Variants in GYS2 observed in about 807,000 individuals in gnomAD.
GYS2 encodes glycogen [starch] synthase, liver.
GYS2 carries 80 observed loss-of-function variants against 85.6 expected under a neutral mutation model. The ratio of observed to expected loss-of-function variants is 0.93; its 90% CI spans 0.78 to 1.13. GYS2 has a LOEUF of 1.13. Ranked by LOEUF, GYS2 falls within the 50% of genes most tolerant of loss-of-function variation. The pLI, the probability that GYS2 is intolerant of heterozygous loss-of-function variation, is 0.00. For synonymous variants in GYS2, 328 were observed against 300.7 expected, an observed-to-expected ratio of 1.09 and a Z score of -0.94; for missense variants, 881 against 854.9, an observed-to-expected ratio of 1.03 and a Z score of -0.38.
chr12:21,564,979 C>G (rs1420451771), intron 5 of GYS2, among the ~76,000 whole-genome samples: 6 of 151,956 alleles, frequency 3.9e-5, no homozygotes, highest in Non-Finnish European at 7.4e-5. Context: ...TACAACTGTA[C>G]CATACAAAAG....
chr12:21,540,335 A>T, intron 14 of GYS2, 75 bp downstream of exon 14: 1 of 1,171,056 alleles, frequency 8.5e-7, no homozygotes, highest in Non-Finnish European at 1.3e-6. Flanking sequence ...TTTAGAGATT[A>T]TGACTAGAAT....
At chr12:21,589,191 A>G (rs892037715) in intron 1 of GYS2, among the ~76,000 whole-genome samples, 1 of 152,224 alleles carries the variant, frequency 6.6e-6, no homozygotes, top group African/African-American at 2.4e-5. Flanking sequence ...TCAAATTCAT[A>G]TACACTTTGG....
chr12:21,559,965 C>T (rs569276634), intron 8 of GYS2, among the ~76,000 whole-genome samples: 44 of 152,202 alleles, frequency 2.9e-4, no homozygotes, highest in African/African-American at 1.1e-3. Flanking sequence ...ATGATTGGAA[C>T]AGGATAGAGA....
chr12:21,602,580 T>C (rs1944766751), intron 1 of GYS2, among the ~76,000 whole-genome samples: 1 of 152,098 alleles, frequency 6.6e-6, no homozygotes, highest in Non-Finnish European at 1.5e-5. Context: ...TGATATCAAC[T>C]TGTGTAAATC....
chr12:21,579,077 C>T (rs1944478315), intron 2 of GYS2, among the ~76,000 whole-genome samples: 1 of 152,088 alleles, frequency 6.6e-6, no homozygotes, highest in Non-Finnish European at 1.5e-5. Flanking sequence ...TCCATGTTAC[C>T]AATGGCCCAA....
chr12:21,574,348 A>T (rs1203677528), intron 3 of GYS2, 22 bp from the exon 4 acceptor site: 2 of 1,596,478 alleles, frequency 1.3e-6, no homozygotes, highest in African/African-American at 1.3e-5. Context: ...AAAAAAAAGC[A>T]TTCAGAAAAG....
At chr12:21,546,695 G>A (rs1035758885) in intron 11 of GYS2, among the ~76,000 whole-genome samples, 3 of 152,128 alleles carry the variant, frequency 2.0e-5, no homozygotes, top group Non-Finnish European at 4.4e-5. Context: ...CTTTCCCTCA[G>A]GTTCCAAGGC....
chr12:21,587,424 A>G (rs933079383), intron 1 of GYS2, among the ~76,000 whole-genome samples: 3 of 152,136 alleles, frequency 2.0e-5, no homozygotes, highest in African/African-American at 7.2e-5. Flanking sequence ...AGGTAATTGA[A>G]TCATAGAGGA....
chr12:21,571,157 C>A (rs1330027423), intron 4 of GYS2, among the ~76,000 whole-genome samples: 1 of 152,134 alleles, frequency 6.6e-6, no homozygotes, highest in East Asian at 1.9e-4. Context: ...CTGGAGACCC[C>A]GTGAGAGGCC....
At chr12:21,542,436 G>T (rs940882570) in intron 13 of GYS2, 60 bp downstream of exon 13, 11 of 973,534 alleles carry the variant, frequency 1.1e-5, no homozygotes, top group Non-Finnish European at 1.8e-5. Flanking sequence ...TAAAGACCCT[G>T]TGCTTTGTTT....
chr12:21,547,701 T>A (rs1380850102), intron 11 of GYS2, among the ~76,000 whole-genome samples: 1 of 152,134 alleles, frequency 6.6e-6, no homozygotes, highest in Non-Finnish European at 1.5e-5. Context: ...ATGAATACAT[T>A]TGTCAAAACC....
At chr12:21,592,049 C>T (rs1944645212) in intron 1 of GYS2, among the ~76,000 whole-genome samples, 1 of 151,556 alleles carries the variant, frequency 6.6e-6, no homozygotes, top group Admixed American at 6.6e-5. Context: ...CAAAGGTATA[C>T]AACTAACTGG....
chr12:21,581,082 C>G (rs1053899772), intron 1 of GYS2, among the ~76,000 whole-genome samples: 1 of 152,118 alleles, frequency 6.6e-6, no homozygotes, highest in African/African-American at 2.4e-5. Context: ...GGAGAACGTG[C>G]TTATAGATGT....
At chr12:21,596,908 G>C (rs766660775) in intron 1 of GYS2, among the ~76,000 whole-genome samples, 3 of 152,092 alleles carry the variant, frequency 2.0e-5, no homozygotes, top group Non-Finnish European at 4.4e-5. Flanking sequence ...AAAGTTTCCA[G>C]ATACAAGATG....
At chr12:21,555,042 T>G (rs1029186884) in intron 11 of GYS2, among the ~76,000 whole-genome samples, 3 of 152,150 alleles carry the variant, frequency 2.0e-5, no homozygotes, top group Non-Finnish European at 4.4e-5. Context: ...GTACGTAACA[T>G]GTGCCAGGCA....
chr12:21,604,742 C>A lies in GYS2; in HGVS notation c.-150G>T. 2.0e-6 allele frequency: 3 copies of A among 1,463,840 alleles called. No homozygotes were observed. Among genetic ancestry groups the A allele is most frequent in the South Asian group, 1.3e-5 (1 of 75,546 alleles). The allele number at this position is 1,463,840 out of a possible 1,614,324, so 90.7% of individuals were successfully genotyped here. A position where few individuals can be genotyped will look rare whatever the true frequency, so the allele number is the denominator to read the frequency against. On this transcript the variant is annotated 5_prime_UTR_variant, in exon 1 of 16. Transcript: ENST00000261195. Reference sequence around the variant, plus strand: ...TGGGAATAAACTAGTAGCATGAAATCTTATGTGCTTCCCACAGAATTCCTG... The same window carrying A: ...TGGGAATAAACTAGTAGCATGAAATATTATGTGCTTCCCACAGAATTCCTG...
chr12:21,534,619 G>GA (rs1413423687), downstream of GYS2, among the ~76,000 whole-genome samples: 4 of 151,424 alleles, frequency 2.6e-5, no homozygotes, highest in Admixed American at 1.3e-4. Flanking sequence ...AGGTAAGAAA[G>GA]AAAAAAAGAG....
intron 12 of GYS2, among the ~76,000 whole-genome samples, chr12:21,544,635 A>G (rs927078906): frequency 7.2e-5 from 11 of 152,230 alleles, no homozygotes; most frequent in Admixed American, 1.3e-4. Flanking sequence ...CTCAAAAGAT[A>G]GTGCATTGCA....
intron 2 of GYS2, 65 bp from the exon 3 acceptor site, chr12:21,576,122 C>T (rs1322528979): frequency 1.6e-6 from 2 of 1,280,680 alleles, no homozygotes; most frequent in Admixed American, 1.7e-5. Flanking sequence ...AATGTATTTG[C>T]ACTCTGAGGA....
Sources: allele counts gnomAD v4.1 joint callset (sites outside exome capture counted in the v4.1 genomes callset), GRCh38; gene constraint gnomAD v4.1.1; transcripts MANE v1.5; gene names NCBI Gene and HGNC (gene_info 2026-07-23, HGNC 2026-07-21).